Variants in RNF213 observed in about 807,000 individuals in gnomAD.
The protein encoded by RNF213 is E3 ubiquitin-protein ligase RNF213.
RNF213 carries 341 observed loss-of-function variants against 514.4 expected under a neutral mutation model. That is an observed-to-expected ratio of 0.66 (90% confidence interval 0.61 to 0.73). The LOEUF (loss-of-function observed/expected upper bound fraction) is 0.73. RNF213 is among the 30% of genes least tolerant of loss of function. The pLI, the probability that RNF213 is intolerant of heterozygous loss-of-function variation, is 0.00. For synonymous variants in RNF213, 2,655 were observed against 2,658.2 expected (o/e 1.00, Z 0.04); for missense variants, 5,767 against 6,615.6 (o/e 0.87, Z 4.45).
Position 80,339,816 on chromosome 17 carries a change from G to A in RNF213, c.5449G>A (p.Val1817Met), listed in dbSNP as rs748288455. The change falls in exon 26 of 68, where the codon GTG (valine) becomes ATG (methionine). Residue 1817 changes from valine to methionine, a missense_variant. Transcript: ENST00000582970. ...CCTGGCAGGGATGGGTGGGTCTCCC[G>A]TGGAGCGTTGTCTCCCGAGAGGTCT... ...AHLAGMGGSP[V>M]ERCLPRGLQV... The A allele has an allele frequency of 2.2e-5, 33 of 1,534,862 alleles. No homozygotes were observed. Among genetic ancestry groups the A allele is most frequent in the Middle Eastern group, 3.3e-4 (2 of 6,000 alleles).
rs186419475 is a variant in RNF213, at chr17:80,394,517, T to C, written c.*1019T>C. The C allele has an allele frequency of 1.3e-5, 2 of 152,348 alleles. No individual in the cohort carries two copies. Among genetic ancestry groups the C allele is most frequent in the Admixed American group, 6.5e-5 (1 of 15,310 alleles). The allele number at this position is 152,348 out of a possible 1,614,324, so 9.4% of individuals were successfully genotyped here. ...TTTTCTCACTGACGTGTTGCCTTTT[T>C]TCTTTACAAAATCTGCTTTGATACT... On this transcript the variant is annotated 3_prime_UTR_variant, in exon 68 of 68. Coordinates refer to ENST00000582970, the MANE Select transcript of RNF213 (RefSeq NM_001256071.3).
Position 80,368,101 on chromosome 17 carries a change from C to T in RNF213, c.12113C>T (p.Ala4038Val), listed in dbSNP as rs1330728354. The T allele has an allele frequency of 1.2e-6, 2 of 1,614,140 alleles. No homozygotes were observed. Among genetic ancestry groups the T allele is most frequent in the Non-Finnish European group, 1.7e-6 (2 of 1,180,052 alleles). ...EQMICPYCLTALPDEFSPAVS... is the reference protein window; with the variant it reads ...EQMICPYCLTVLPDEFSPAVS... The stretch of plus-strand genomic sequence containing the variant: ...ATGATATGCCCCTACTGTTTAACTG[C>T]CTTGCCAGACGAATTCTCTCCAGCT... Residue 4038 changes from alanine (A) to valine (V), a missense_variant, in exon 44 of 68, where the codon GCC (alanine) becomes GTC (valine). Ala to Val is a moderately conservative substitution (Grantham distance 64). Around this residue, in one of 13 missense-constraint regions of RNF213, gnomAD observed 25 missense variants for 53.1 expected, o/e 0.47. Coordinates refer to ENST00000582970, the MANE Select transcript of RNF213 (RefSeq NM_001256071.3).
chr17:80,308,332 T>G (rs2045445106), intron 13 of RNF213, among the ~76,000 whole-genome samples: 1 of 152,026 alleles, frequency 6.6e-6, no homozygotes, highest in Non-Finnish European at 1.5e-5. Flanking sequence ...AGTCCTTTCT[T>G]ACACCGCCTT....
At chr17:80,363,485 C>A (rs190562417) in intron 40 of RNF213, 124 bp from the exon 41 acceptor site, 1 of 1,272,910 alleles carries the variant, frequency 7.9e-7, no homozygotes, top group Non-Finnish European at 1.1e-6. Context: ...TTCTCACATC[C>A]TAGACAATGA....
chr17:80,387,953 ATTTTTTT>A (rs35624579), intron 63 of RNF213, among the ~76,000 whole-genome samples: 7 of 111,348 alleles, frequency 6.3e-5, no homozygotes, highest in African/African-American at 2.7e-4. Context: ...GAGCCCATGG[ATTTTTTT>A]TTTTTTTTTT....
At chr17:80,383,298 G>T (rs1233030790) in intron 58 of RNF213, among the ~76,000 whole-genome samples, 1 of 152,120 alleles carries the variant, frequency 6.6e-6, no homozygotes, top group African/African-American at 2.4e-5. Context: ...GGAATTCCTG[G>T]GAATCCAGCA....
intron 31 of RNF213, among the ~76,000 whole-genome samples, chr17:80,351,012 G>A (rs147563262): frequency 3.9e-5 from 6 of 152,336 alleles, no homozygotes; most frequent in African/African-American, 1.2e-4. Context: ...TGTAGGGGAA[G>A]TCTGATGCTC....
intron 17 of RNF213, among the ~76,000 whole-genome samples, chr17:80,322,219 G>T (rs1568070386): frequency 8.3e-6 from 1 of 120,044 alleles, no homozygotes; most frequent in Non-Finnish European, 1.6e-5. Flanking sequence ...GGAATACAAT[G>T]GCACGATCAC....
intron 13 of RNF213, among the ~76,000 whole-genome samples, chr17:80,307,775 T>C (rs12453681): frequency 0.43 from 64,950 of 151,470 alleles, 15,777 homozygotes; most frequent in African/African-American, 0.68. Context: ...GTCTTGAACT[T>C]CTGACCTCAG....
At chr17:80,303,307 C>T (rs1049491631) in intron 11 of RNF213, among the ~76,000 whole-genome samples, 8 of 152,194 alleles carry the variant, frequency 5.3e-5, no homozygotes, top group Non-Finnish European at 8.8e-5. Context: ...GACTGCAGCA[C>T]TCTGGGCCTT....
chr17:80,377,026 T>G lies in RNF213; in HGVS notation c.13510+63T>G. The G allele has an allele frequency of 7.5e-7, 1 of 1,324,814 alleles. No homozygotes were observed. Among genetic ancestry groups the G allele is most frequent in the Non-Finnish European group, 1.1e-6 (1 of 925,604 alleles). The allele number at this position is 1,324,814 out of a possible 1,614,324, so 82.1% of individuals were successfully genotyped here. A position where few individuals can be genotyped will look rare whatever the true frequency, so the allele number is the denominator to read the frequency against. ...AGCTTCAAAGGGTGTCCAGATGCTA[T>G]GAAGCATTGGGTTCGACTTGGGGTC... is the stretch of plus-strand genomic sequence containing the variant. On this transcript the variant is annotated intron_variant, in intron 53 of 67. Transcript: ENST00000582970. The surrounding 1 kb of genome is among the most constrained non-coding windows in gnomAD (Gnocchi z 4.1).
intron 21 of RNF213, among the ~76,000 whole-genome samples, chr17:80,333,282 G>A (rs1262911321): frequency 2.0e-5 from 3 of 150,150 alleles, no homozygotes; most frequent in African/African-American, 4.9e-5. Flanking sequence ...GGATGGTCTC[G>A]ATCTCCTGAC....
intron 12 of RNF213, among the ~76,000 whole-genome samples, chr17:80,306,892 T>C (rs968609124): frequency 1.7e-4 from 26 of 151,970 alleles, no homozygotes; most frequent in Non-Finnish European, 2.9e-5. Context: ...GTGATGCACT[T>C]CGTAGCTGCC....
chr17:80,367,486 C>G (rs890484154), intron 42 of RNF213, among the ~76,000 whole-genome samples: 3 of 152,132 alleles, frequency 2.0e-5, no homozygotes, highest in Non-Finnish European at 4.4e-5. Context: ...TTTGAAATAT[C>G]TTAGTGAGAG....
In RNF213 at chr17:80,398,331, T is replaced by C. The variant is rs1037562260; in HGVS notation, c.*4833T>C. 1 of 152,082 alleles carries C rather than the reference T, an allele frequency of 6.6e-6. No homozygotes were observed. Among genetic ancestry groups the C allele is most frequent in the African/African-American group, 2.4e-5 (1 of 41,384 alleles). 9.4% of individuals were successfully genotyped at this position (152,082 alleles called of 1,614,324 possible). A position where few individuals can be genotyped will look rare whatever the true frequency, so the allele number is the denominator to read the frequency against. ...CGTAATGTTTTGTCTTGAAGAAGCA[T>C]GGGTCAAGCACAAAGTAAGACCACC... On this transcript the variant is annotated 3_prime_UTR_variant, in exon 68 of 68. Coordinates refer to ENST00000582970, the MANE Select transcript of RNF213 (RefSeq NM_001256071.3).
At chr17:80,305,470 G>A (rs1272277601) in intron 11 of RNF213, among the ~76,000 whole-genome samples, 7 of 151,816 alleles carry the variant, frequency 4.6e-5, no homozygotes, top group East Asian at 3.9e-4. Flanking sequence ...GAGCCACTGC[G>A]CCCGGCCTGA....
intron 42 of RNF213, among the ~76,000 whole-genome samples, chr17:80,366,668 TAAAAA>T (rs60777731): frequency 6.7e-5 from 10 of 150,366 alleles, no homozygotes; most frequent in East Asian, 2.0e-4. Context: ...TGGCTCAAAA[TAAAAA>T]AAAAAAAATC....
chr17:80,339,907 T>A lies in RNF213; in HGVS notation c.5540T>A (p.Val1847Asp). The change falls in exon 26 of 68, where the codon GTC becomes GAC. Residue 1847 changes from valine (V) to aspartate (D), a missense_variant. This residue lies in a region of RNF213 where 1,377 missense variants were observed against 1,635.2 expected (regional missense o/e 0.84). Coordinates refer to ENST00000582970, the MANE Select transcript of RNF213 (RefSeq NM_001256071.3). The stretch of plus-strand genomic sequence containing the variant: ...GAGGTGTTGCCAGCCGCCCTGGCTG[T>A]CTACATGCAAACCCCAAGCCAGCCC... ...HSEVLPAALA[V>D]YMQTPSQPLP... The A allele has an allele frequency of 1.3e-6, 2 of 1,536,920 alleles. No homozygotes were observed. Among genetic ancestry groups the A allele is most frequent in the Non-Finnish European group, 1.7e-6 (2 of 1,146,888 alleles).
intron 12 of RNF213, 123 bp from the exon 13 acceptor site, chr17:80,307,005 G>A: frequency 1.1e-6 from 1 of 932,168 alleles, no homozygotes; most frequent in Non-Finnish European, 1.8e-6. Context: ...CTTAAAATTT[G>A]TTTGTAGGAA....
Sources: gnomAD v4.1 joint callset for allele counts (sites outside exome capture counted in the v4.1 genomes callset) on GRCh38, gnomAD v4.1.1 for gene constraint, gnomAD v4.1.1 regional missense constraint, Gnocchi (gnomAD v3.1) non-coding constraint, MANE v1.5 for transcripts, NCBI Gene and HGNC (gene_info 2026-07-23, HGNC 2026-07-21) for gene names.